The following IGHMBP2 variants were observed in gnomAD, a reference collection of about 807,000 sequenced individuals.
IGHMBP2 encodes the protein DNA-binding protein SMUBP-2.
In IGHMBP2, 81 loss-of-function variants were observed where a neutral mutation model predicts 96.0. That is an observed-to-expected ratio of 0.84 (90% CI 0.71 to 1.01). IGHMBP2 has a LOEUF of 1.01. Among genes scored for constraint, IGHMBP2 ranks in the 50% least tolerant of loss-of-function variants. The pLI is 0.00. For missense variants in IGHMBP2, 1,227 were observed against 1,306.3 expected, an observed-to-expected ratio of 0.94 and a Z score of 0.94; for synonymous variants, 557 against 548.9, an observed-to-expected ratio of 1.01 and a Z score of -0.21.
chr11:68,935,920 G>A (rs576098708), intron 12 of IGHMBP2, among the ~76,000 whole-genome samples: 25 of 152,344 alleles, frequency 1.6e-4, no homozygotes, highest in African/African-American at 5.5e-4. Context: ...AAGAAGGGAA[G>A]GTCCTGGAAG....
chr11:68,935,211 G>A (rs1366528695), intron 11 of IGHMBP2, 88 bp from the exon 12 acceptor site: 1 of 1,549,088 alleles, frequency 6.5e-7, no homozygotes, highest in Non-Finnish European at 8.8e-7. Context: ...CTGTTTCACA[G>A]CGTGAGGCCC....
chr11:68,933,993 C>A, intron 10 of IGHMBP2, 80 bp downstream of exon 10: 1 of 1,014,728 alleles, frequency 9.9e-7, no homozygotes, highest in Non-Finnish European at 1.5e-6. Context: ...CTTTAATTGC[C>A]TAATTCCGGG....
chr11:68,924,147 G>C (rs1413257588), intron 7 of IGHMBP2, among the ~76,000 whole-genome samples: 2 of 152,112 alleles, frequency 1.3e-5, no homozygotes, highest in Non-Finnish European at 2.9e-5. Flanking sequence ...ATAACTGGCT[G>C]GGGGGGTTGT....
chr11:68,929,266 G>C lies in IGHMBP2; in HGVS notation c.1144G>C (p.Glu382Gln), dbSNP rs776730737. The change falls in exon 8 of 15, where the codon GAG (glutamate) becomes CAG (glutamine). Residue 382 changes from glutamate (E) to glutamine (Q), a missense_variant. Glu to Gln is a conservative substitution (Grantham distance 29). Around this residue, in one of 3 missense-constraint regions of IGHMBP2, gnomAD observed 507 missense variants for 496.9 expected, o/e 1.02. Coordinates refer to ENST00000255078, the MANE Select transcript of IGHMBP2 (RefSeq NM_002180.3). ...CATTGACGAGTGTGCCCAGGCCCTC[G>C]AGGCGAGCTGCTGGATCCCCCTGCT... ...VVIDECAQAL[E>Q]ASCWIPLLKA... 1.9e-6 allele frequency: 3 copies of C among 1,613,712 alleles called. No individual in the cohort carries two copies. The highest frequency in any genetic ancestry group is 1.7e-5 in the Admixed American group (1 of 60,014).
In IGHMBP2 at chr11:68,936,486, C is replaced by T. The variant is rs747352221; in HGVS notation, c.2006C>T (p.Pro669Leu). The T allele has an allele frequency of 7.4e-6, 12 of 1,613,850 alleles. No individual in the cohort carries two copies. The South Asian group carries it at 1.2e-4, about 16-fold the overall frequency. Residue 669 changes from proline (P) to leucine (L), a missense_variant, in exon 13 of 15, where the codon CCT becomes CTT. Pro to Leu is a moderately conservative substitution (Grantham distance 98). Coordinates refer to ENST00000255078, the MANE Select transcript of IGHMBP2 (RefSeq NM_002180.3). Reference sequence around the variant, plus strand: ...CACGCTGCCACCAAGCCCCAGGGACCTGCTACGTCCACCAGGACCGGAAGC... The same window carrying T: ...CACGCTGCCACCAAGCCCCAGGGACTTGCTACGTCCACCAGGACCGGAAGC... ...SSHAATKPQG[P>L]ATSTRTGSQR...
intron 7 of IGHMBP2, among the ~76,000 whole-genome samples, chr11:68,919,298 C>T (rs1049106217): frequency 6.6e-6 from 1 of 150,610 alleles, no homozygotes; most frequent in African/African-American, 2.4e-5. Context: ...CCATCCCCGT[C>T]GCCTTCCCTA....
chr11:68,925,632 G>T (rs60771530), intron 7 of IGHMBP2, among the ~76,000 whole-genome samples: 39,591 of 152,038 alleles, frequency 0.26, 5,694 homozygotes, highest in Admixed American at 0.41. Flanking sequence ...GGTATTTCTT[G>T]AAGGGCAGGT....
chr11:68,909,055 G>A (rs993069410), intron 4 of IGHMBP2, among the ~76,000 whole-genome samples: 3 of 151,504 alleles, frequency 2.0e-5, no homozygotes, highest in African/African-American at 7.3e-5. Context: ...TGACCAGGCT[G>A]GTCTCGAACT....
intron 7 of IGHMBP2, among the ~76,000 whole-genome samples, chr11:68,919,769 G>T (rs1461080960): frequency 6.6e-6 from 1 of 152,048 alleles, no homozygotes; most frequent in Non-Finnish European, 1.5e-5. Context: ...ATAAATGTGG[G>T]GCTATGTTTT....
At chr11:68,929,480 G>A in intron 8 of IGHMBP2, 123 bp downstream of exon 8, 1 of 903,116 alleles carries the variant, frequency 1.1e-6, no homozygotes, top group Non-Finnish European at 1.7e-6. Flanking sequence ...TCTCGGCACA[G>A]CTCCTACCCC....
intron 12 of IGHMBP2, 28 bp downstream of exon 12, chr11:68,935,450 G>T (rs1859489237): frequency 1.2e-6 from 2 of 1,613,474 alleles, no homozygotes; most frequent in Admixed American, 1.7e-5. Flanking sequence ...GAGTCCTTTG[G>T]GGACAGCACA....
At position 68,939,650 on chromosome 11, in the gene IGHMBP2, C is replaced by T. The variant is rs2154009296; in HGVS notation, c.2901C>T (p.Ala967=). 2.5e-6 allele frequency: 4 copies of T among 1,613,390 alleles called. No individual in the cohort carries two copies. The highest frequency in any genetic ancestry group is 2.2e-5 in the East Asian group (1 of 44,856). ...GATCCCTGGACCCAGCCAAGAGGGC[C>T]CAGCTGCAGAGGAGGCTGGATAAGA... ...KNGSLDPAKR[A]QLQRRLDKKL... Residue 967 remains alanine, a synonymous_variant, in exon 15 of 15, where the codon GCC becomes GCT. Coordinates refer to ENST00000255078, the MANE Select transcript of IGHMBP2 (RefSeq NM_002180.3).
intron 7 of IGHMBP2, 22 bp from the exon 8 acceptor site, chr11:68,929,161 C>T: frequency 6.2e-7 from 1 of 1,609,352 alleles, no homozygotes; most frequent in Non-Finnish European, 8.5e-7. Context: ...CCTGGAGACT[C>T]CCGGCTCCCT....
rs555746618 is a variant in IGHMBP2 at position 68,918,021 on chromosome 11, C to T, written c.1060+138C>T. 213 of 834,940 alleles carry T rather than the reference C, an allele frequency of 2.6e-4. 1 individual carries two copies. Among genetic ancestry groups the T allele is most frequent in the South Asian group, 8.4e-4 (58 of 69,022 alleles). 51.7% of individuals were successfully genotyped at this position (834,940 alleles called of 1,614,324 possible). ...TTGGGTAGGGTTCACTAGGGAAGGC[C>T]TCCGTACCTGCAGTTTTCTTCATGG... On this transcript the variant is annotated intron_variant, in intron 7 of 14. Coordinates refer to ENST00000255078, the MANE Select transcript of IGHMBP2 (RefSeq NM_002180.3).
chr11:68,937,643 T>G, intron 13 of IGHMBP2: 1 of 231,690 alleles, frequency 4.3e-6, no homozygotes, highest in Non-Finnish European at 8.6e-6. Flanking sequence ...AGGCGTGCAG[T>G]GGGAGTTGGC....
chr11:68,939,458 C>T, intron 14 of IGHMBP2, 76 bp from the exon 15 acceptor site: 2 of 1,527,666 alleles, frequency 1.3e-6, no homozygotes, highest in Non-Finnish European at 1.8e-6. Context: ...GGCCCCCCAG[C>T]TCTTTGATAG....
intron 11 of IGHMBP2, among the ~76,000 whole-genome samples, chr11:68,934,977 C>T (rs191154122): frequency 7.5e-4 from 114 of 152,330 alleles, no homozygotes; most frequent in Non-Finnish European, 1.3e-3. Flanking sequence ...GAAAAATGTA[C>T]CTTCTGGAGT....
intron 9 of IGHMBP2, 138 bp from the exon 10 acceptor site, chr11:68,933,657 T>G (rs1247284412): frequency 2.6e-5 from 26 of 985,894 alleles, no homozygotes; most frequent in Non-Finnish European, 3.9e-5. Context: ...GCCCGCTCCC[T>G]CCCTTCTGAT....
chr11:68,933,343 C>A lies in IGHMBP2; in HGVS notation c.1280C>A (p.Ala427Asp). The A allele has an allele frequency of 6.2e-7, 1 of 1,613,220 alleles. No individual in the cohort carries two copies. Among genetic ancestry groups the A allele is most frequent in the South Asian group, 1.1e-5 (1 of 90,884 alleles). ...GLSLSLMERL[A>D]EEYGARVVRT... The stretch of plus-strand genomic sequence containing the variant: ...TCACTCAGCCTGATGGAACGCCTGG[C>A]TGAGGAGTACGGCGCGAGGGTGGTG... Residue 427 changes from alanine to aspartate, a missense_variant, in exon 9 of 15, where the codon GCT becomes GAT. This residue lies in a region of IGHMBP2 where 703 missense variants were observed against 770.3 expected (regional missense o/e 0.91). Transcript: ENST00000255078.
Sources: gnomAD v4.1 joint callset for allele counts (sites outside exome capture counted in the v4.1 genomes callset) on GRCh38, gnomAD v4.1.1 for gene constraint, gnomAD v4.1.1 regional missense constraint, MANE v1.5 for transcripts, NCBI Gene and HGNC (gene_info 2026-07-23, HGNC 2026-07-21) for gene names.